ADAMTSL1: variants seen among roughly 807,000 people sequenced by gnomAD.
ADAMTSL1 encodes the protein ADAMTS-like protein 1.
In ADAMTSL1, 126 loss-of-function variants were observed where a neutral mutation model predicts 201.8. The observed-to-expected ratio is 0.62, with a 90% CI of 0.54 to 0.72. The LOEUF (loss-of-function observed/expected upper bound fraction) is 0.72. ADAMTSL1 is among the 30% of genes least tolerant of loss of function. The probability of loss-of-function intolerance (pLI) is 0.00; values close to 1 mark genes in which losing one functional copy is unlikely to be tolerated. For missense variants in ADAMTSL1, 2,679 were observed against 2,277.8 expected (o/e 1.18, Z -3.59); for synonymous variants, 1,121 against 903.4 (o/e 1.24, Z -4.32).
intron 1 of ADAMTSL1, among the ~76,000 whole-genome samples, chr9:18,035,642 C>T (rs971666353): frequency 2.6e-5 from 4 of 152,082 alleles, no homozygotes; most frequent in Admixed American, 6.5e-5. Context: ...ACCCCCTTTG[C>T]CCTGCTCAAG....
At chr9:18,148,044 T>C (rs1826729149) in intron 1 of ADAMTSL1, among the ~76,000 whole-genome samples, 1 of 152,104 alleles carries the variant, frequency 6.6e-6, no homozygotes, top group Non-Finnish European at 1.5e-5. Context: ...TCTTATAATG[T>C]AGTAGAAGCT....
At chr9:17,991,072 A>G (rs1322528107) in intron 1 of ADAMTSL1, among the ~76,000 whole-genome samples, 1 of 152,210 alleles carries the variant, frequency 6.6e-6, no homozygotes, top group Non-Finnish European at 1.5e-5. Flanking sequence ...TTTAACAAAT[A>G]ATTGAGGCAG....
intron 1 of ADAMTSL1, among the ~76,000 whole-genome samples, chr9:17,970,993 A>T (rs1818184919): frequency 6.6e-6 from 1 of 152,020 alleles, no homozygotes; most frequent in African/African-American, 2.4e-5. Context: ...TTCTATATAC[A>T]TTTGCTGTGT....
At chr9:18,483,139 C>T (rs986359244) in intron 1 of ADAMTSL1, among the ~76,000 whole-genome samples, 1 of 152,074 alleles carries the variant, frequency 6.6e-6, no homozygotes, top group Non-Finnish European at 1.5e-5. Flanking sequence ...TTTATTTTGT[C>T]CTGAATATCT....
At chr9:17,921,836 C>A (rs924436889) in intron 1 of ADAMTSL1, among the ~76,000 whole-genome samples, 1 of 152,132 alleles carries the variant, frequency 6.6e-6, no homozygotes, top group Non-Finnish European at 1.5e-5. Flanking sequence ...AATAACAGCT[C>A]TCTCCATCCC....
At chr9:18,896,952 C>A (rs1018123386) in intron 26 of ADAMTSL1, among the ~76,000 whole-genome samples, 6 of 152,162 alleles carry the variant, frequency 3.9e-5, no homozygotes, top group Non-Finnish European at 8.8e-5. Context: ...CAGCTGCCTG[C>A]CGAGTGCATC....
chr9:17,908,327 C>T (rs1358569972), intron 1 of ADAMTSL1, among the ~76,000 whole-genome samples: 2 of 152,176 alleles, frequency 1.3e-5, no homozygotes, highest in Non-Finnish European at 2.9e-5. Context: ...TAGGGCCACA[C>T]CCCAGCTGGA....
intron 9 of ADAMTSL1, among the ~76,000 whole-genome samples, chr9:18,675,375 G>T (rs1470148267): frequency 6.6e-6 from 1 of 152,128 alleles, no homozygotes; most frequent in Admixed American, 6.6e-5. Flanking sequence ...CCTAGCTAAT[G>T]CAGTTACATA....
At chr9:18,189,785 C>T (rs1447323004) in intron 2 of ADAMTSL1, among the ~76,000 whole-genome samples, 4 of 152,054 alleles carry the variant, frequency 2.6e-5, no homozygotes, top group African/African-American at 4.8e-5. Context: ...TTAAAAAAAA[C>T]TCCTCAAGTT....
chr9:17,964,757 T>C (rs371448876), intron 1 of ADAMTSL1, among the ~76,000 whole-genome samples: 1 of 152,222 alleles, frequency 6.6e-6, no homozygotes, highest in Non-Finnish European at 1.5e-5. Context: ...TATAACTACA[T>C]GTGAATCCAC....
intron 2 of ADAMTSL1, among the ~76,000 whole-genome samples, chr9:18,173,046 G>A (rs1473777): frequency 0.96 from 146,230 of 152,176 alleles, 70,571 homozygotes; most frequent in East Asian, 1. Flanking sequence ...TATCTATAAT[G>A]TGTTACTGAT....
chr9:18,413,153 T>A (rs576167046), intron 2 of ADAMTSL1, among the ~76,000 whole-genome samples: 1 of 151,680 alleles, frequency 6.6e-6, no homozygotes, highest in East Asian at 1.9e-4. Flanking sequence ...ATAATTTTTT[T>A]TTTTTTTTTT....
intron 25 of ADAMTSL1, 118 bp from the exon 26 acceptor site, chr9:18,892,271 G>A (rs1260530080): frequency 1.1e-5 from 11 of 971,648 alleles, no homozygotes; most frequent in Admixed American, 2.7e-5. Flanking sequence ...AGTAAATACT[G>A]TAAAAAGGGC....
chr9:18,824,168 T>A (rs1824390106), intron 21 of ADAMTSL1, among the ~76,000 whole-genome samples: 1 of 138,600 alleles, frequency 7.2e-6, no homozygotes, highest in African/African-American at 2.6e-5. Flanking sequence ...GGCTGTCTCC[T>A]AAATGCCGTG....
At chr9:18,172,863 AT>A (rs1001277129) in intron 2 of ADAMTSL1, among the ~76,000 whole-genome samples, 22 of 152,244 alleles carry the variant, frequency 1.4e-4, no homozygotes, top group African/African-American at 4.8e-4. Flanking sequence ...ACATGGCATC[AT>A]TTTTTGCCAT....
intron 2 of ADAMTSL1, among the ~76,000 whole-genome samples, chr9:18,436,474 T>C (rs189409901): frequency 4.4e-4 from 67 of 152,340 alleles, no homozygotes; most frequent in Admixed American, 7.2e-4. Context: ...CACTTGATTC[T>C]GTATCCTTCT....
At chr9:18,579,336 G>T (rs1046308873) in intron 4 of ADAMTSL1, among the ~76,000 whole-genome samples, 2 of 134,706 alleles carry the variant, frequency 1.5e-5, no homozygotes, top group African/African-American at 5.6e-5. Context: ...CACACGCTGG[G>T]GACTGTGGTG....
intron 7 of ADAMTSL1, among the ~76,000 whole-genome samples, chr9:18,649,475 A>C (rs1828055310): frequency 1.3e-5 from 2 of 151,894 alleles, no homozygotes; most frequent in South Asian, 4.1e-4. Context: ...TGATTTTTAG[A>C]GTTTCCAGTT....
At chr9:17,959,803 C>A (rs1027463071) in intron 1 of ADAMTSL1, among the ~76,000 whole-genome samples, 1 of 150,268 alleles carries the variant, frequency 6.7e-6, no homozygotes, top group Non-Finnish European at 1.5e-5. Flanking sequence ...CTACCCTGAC[C>A]CCTGCATTGT....
Sources: allele counts gnomAD v4.1 joint callset (sites outside exome capture counted in the v4.1 genomes callset), GRCh38; gene constraint gnomAD v4.1.1; transcripts MANE v1.5; gene names NCBI Gene and HGNC (gene_info 2026-07-23, HGNC 2026-07-21).